Variants in GRID2 observed in about 807,000 individuals in gnomAD.
GRID2 encodes the protein glutamate receptor ionotropic, delta-2.
A neutral mutation model predicts 114.8 loss-of-function variants in GRID2; 33 were observed. The observed-to-expected ratio is 0.29, with a 90% CI of 0.22 to 0.38. The LOEUF (loss-of-function observed/expected upper bound fraction) is 0.38, where lower values mean the gene tolerates loss of function less well. Ranked by LOEUF, GRID2 falls within the 10% of genes least tolerant of loss-of-function variation. The pLI is 1.00. For synonymous variants in GRID2, 505 were observed against 449.9 expected, an observed-to-expected ratio of 1.12 and a Z score of -1.55; for missense variants, 1,184 against 1,257.7, an observed-to-expected ratio of 0.94 and a Z score of 0.89.
chr4:93,319,857 A>T (rs1757034797), intron 8 of GRID2: 1 of 152,090 alleles, frequency 6.6e-6, no homozygotes, highest in Admixed American at 6.6e-5. Context: ...GAAGTGGATT[A>T]TTTCTTAGAA....
intron 2 of GRID2, among the ~76,000 whole-genome samples, chr4:92,679,929 C>T (rs1452162077): frequency 6.9e-6 from 1 of 144,276 alleles, no homozygotes; most frequent in Non-Finnish European, 1.5e-5. Flanking sequence ...AAAAAAAAAA[C>T]ATATCAAAGA....
intron 2 of GRID2, among the ~76,000 whole-genome samples, chr4:93,030,264 C>G (rs1275592096): frequency 6.6e-6 from 1 of 152,086 alleles, no homozygotes; most frequent in African/African-American, 2.4e-5. Context: ...TCCCGCTCTC[C>G]TTTCTTTCCT....
intron 3 of GRID2, among the ~76,000 whole-genome samples, chr4:93,108,927 C>T (rs997220639): frequency 1.3e-5 from 2 of 152,060 alleles, no homozygotes; most frequent in African/African-American, 4.8e-5. Context: ...CCACACTGGG[C>T]CTCTGACATG....
chr4:93,434,560 C>CAA (rs796414457), intron 10 of GRID2, among the ~76,000 whole-genome samples: 3 of 150,370 alleles, frequency 2.0e-5, no homozygotes, highest in South Asian at 2.1e-4. Flanking sequence ...AAAACAAAAA[C>CAA]AAAAAAAAAC....
At chr4:93,243,477 G>A (rs568641713) in intron 8 of GRID2, among the ~76,000 whole-genome samples, 1 of 152,144 alleles carries the variant, frequency 6.6e-6, no homozygotes, top group African/African-American at 2.4e-5. Context: ...TTGACGGACT[G>A]TCAAGTTGTC....
chr4:93,763,181 G>A (rs1185360730), intron 14 of GRID2, among the ~76,000 whole-genome samples: 1 of 151,960 alleles, frequency 6.6e-6, no homozygotes, highest in Non-Finnish European at 1.5e-5. Flanking sequence ...CTAATTTCAG[G>A]GATATAATGC....
chr4:92,793,114 CAGGTCAGTGGCAG>C (rs1739675646), intron 2 of GRID2, among the ~76,000 whole-genome samples: 1 of 151,550 alleles, frequency 6.6e-6, no homozygotes, highest in African/African-American at 2.4e-5. Context: ...TTCCATATAC[CAGGTCAGTGGCAG>C]AGCTGAGCAG....
chr4:93,579,700 G>C (rs1413980855), intron 13 of GRID2, among the ~76,000 whole-genome samples: 1 of 152,126 alleles, frequency 6.6e-6, no homozygotes, highest in Non-Finnish European at 1.5e-5. Context: ...GCTTCTCAGT[G>C]AGCCTGCATT....
rs1578168828 is a variant in GRID2 at position 93,515,533 on chromosome 4, A to G, written c.2193+122A>G. 1.2e-5 allele frequency: 8 copies of G among 653,178 alleles called. No homozygotes were observed. The East Asian group carries it at 2.2e-4, about 18-fold the overall frequency. The allele number at this position is 653,178 out of a possible 1,614,324, so 40.5% of individuals were successfully genotyped here. ...TTTTTATCTTTAATGCTGACGGCAAATTTCCTGTTACAATGCATCTTATAT... is the reference window on the plus strand; with the variant it reads ...TTTTTATCTTTAATGCTGACGGCAAGTTTCCTGTTACAATGCATCTTATAT... On this transcript the variant is annotated intron_variant, in intron 13 of 15. Transcript: ENST00000282020.
intron 4 of GRID2, among the ~76,000 whole-genome samples, chr4:93,181,131 C>T (rs114108795): frequency 2.8e-4 from 42 of 152,112 alleles, no homozygotes; most frequent in African/African-American, 1.0e-3. Flanking sequence ...TAAAATTACC[C>T]CTTGATCTAT....
At chr4:92,789,292 T>C (rs1314467008) in intron 2 of GRID2, among the ~76,000 whole-genome samples, 1 of 151,918 alleles carries the variant, frequency 6.6e-6, no homozygotes, top group South Asian at 2.1e-4. Flanking sequence ...GAATTGTTGA[T>C]TTTTATTCAT....
intron 4 of GRID2, among the ~76,000 whole-genome samples, chr4:93,153,944 T>C (rs2149400161): frequency 6.6e-6 from 1 of 152,158 alleles, no homozygotes; most frequent in African/African-American, 2.4e-5. Context: ...GTACTTTAGA[T>C]CTTTAGAACT....
intron 14 of GRID2, among the ~76,000 whole-genome samples, chr4:93,707,613 G>GT (rs1728121481): frequency 1.3e-5 from 2 of 151,662 alleles, no homozygotes; most frequent in Non-Finnish European, 2.9e-5. Flanking sequence ...CTGGCTAAAA[G>GT]TTTTTTGATT....
At chr4:92,599,684 C>G (rs1452133949) in intron 2 of GRID2, among the ~76,000 whole-genome samples, 2 of 152,020 alleles carry the variant, frequency 1.3e-5, no homozygotes, top group African/African-American at 2.4e-5. Flanking sequence ...ATTTCTTAAG[C>G]TATATTTCAA....
intron 2 of GRID2, among the ~76,000 whole-genome samples, chr4:92,946,937 T>C (rs930773899): frequency 2.0e-5 from 3 of 152,024 alleles, no homozygotes; most frequent in African/African-American, 4.8e-5. Context: ...AGAACCACTA[T>C]TCCATTGGTA....
intron 2 of GRID2, among the ~76,000 whole-genome samples, chr4:92,892,024 A>G (rs1021255557): frequency 1.1e-4 from 16 of 151,812 alleles, no homozygotes; most frequent in African/African-American, 3.9e-4. Context: ...ATATTTAATT[A>G]TATTTGATTA....
intron 8 of GRID2, among the ~76,000 whole-genome samples, chr4:93,371,715 T>C (rs1303791058): frequency 6.6e-6 from 1 of 151,614 alleles, no homozygotes; most frequent in Non-Finnish European, 1.5e-5. Context: ...TTTTTCTGTA[T>C]ATTGGTATAT....
rs550840223 is a variant in GRID2 at position 92,612,712 on chromosome 4, C to T, written c.244+22426C>T. ...ATTTTATTCATTTTGATATTGTGAACGGAATCATTTCTTGTAGTTATATTG... is the reference window on the plus strand; with the variant it reads ...ATTTTATTCATTTTGATATTGTGAATGGAATCATTTCTTGTAGTTATATTG... On this transcript the variant is annotated intron_variant, in intron 2 of 15. Transcript: ENST00000282020. Among the ~76,000 whole-genome samples the T allele has an allele frequency of 4.0e-5, 6 of 151,362 alleles. No individual in the cohort carries two copies. In the East Asian group the frequency reaches 9.7e-4, roughly 25 times the overall value.
At chr4:92,906,569 C>A (rs1747972727) in intron 2 of GRID2, among the ~76,000 whole-genome samples, 1 of 152,084 alleles carries the variant, frequency 6.6e-6, no homozygotes, top group African/African-American at 2.4e-5. Context: ...ACAAGGGAAC[C>A]CAGCCCTTTC....
Sources: allele counts gnomAD v4.1 joint callset (sites outside exome capture counted in the v4.1 genomes callset), GRCh38; gene constraint gnomAD v4.1.1; transcripts MANE v1.5; gene names NCBI Gene and HGNC (gene_info 2026-07-23, HGNC 2026-07-21).